The following CTNNA3 variants were observed in gnomAD, a reference collection of about 807,000 sequenced individuals.
CTNNA3 encodes catenin alpha 3.
CTNNA3 carries 76 observed loss-of-function variants against 95.7 expected under a neutral mutation model. The observed-to-expected ratio is 0.79, with a 90% CI of 0.66 to 0.96. The LOEUF (loss-of-function observed/expected upper bound fraction) is 0.96, where lower values mean the gene tolerates loss of function less well. CTNNA3 is among the 40% of genes least tolerant of loss of function. CTNNA3 has a pLI of 0.00. For synonymous variants in CTNNA3, 431 were observed against 374.4 expected, an observed-to-expected ratio of 1.15 and a Z score of -1.74; for missense variants, 1,191 against 1,089.8, an observed-to-expected ratio of 1.09 and a Z score of -1.31.
At chr10:67,596,903 T>C (rs546477389) in intron 3 of CTNNA3, among the ~76,000 whole-genome samples, 1 of 152,358 alleles carries the variant, frequency 6.6e-6, no homozygotes, top group South Asian at 2.1e-4. Context: ...GGGATGCCAA[T>C]GAGTCATAGA....
chr10:67,734,011 A>G (rs1240319926), intron 1 of CTNNA3, among the ~76,000 whole-genome samples: 1 of 152,170 alleles, frequency 6.6e-6, no homozygotes, highest in Non-Finnish European at 1.5e-5. Flanking sequence ...AAAGCCTCAT[A>G]ACAACCACGC....
chr10:65,966,244 T>C (rs1209182201), intron 17 of CTNNA3, among the ~76,000 whole-genome samples: 1 of 152,170 alleles, frequency 6.6e-6, no homozygotes, highest in Non-Finnish European at 1.5e-5. Context: ...AAGCAATCAT[T>C]TTATTAATTT....
chr10:66,382,913 C>T (rs1272874015), intron 11 of CTNNA3, among the ~76,000 whole-genome samples: 1 of 151,922 alleles, frequency 6.6e-6, no homozygotes, highest in Non-Finnish European at 1.5e-5. Context: ...ACAAAAAGAT[C>T]ATCTACACCA....
chr10:65,938,965 C>T (rs183455422), intron 17 of CTNNA3, among the ~76,000 whole-genome samples: 1 of 151,854 alleles, frequency 6.6e-6, no homozygotes, highest in Admixed American at 6.5e-5. Flanking sequence ...TGCAGTGGCG[C>T]GATCTCGGCT....
At chr10:67,460,264 T>C (rs553880998) in intron 5 of CTNNA3, among the ~76,000 whole-genome samples, 1 of 152,312 alleles carries the variant, frequency 6.6e-6, no homozygotes, top group Non-Finnish European at 1.5e-5. Context: ...TGGTTGGACC[T>C]GAACCCAAAT....
At chr10:66,394,736 C>T (rs1160957226) in intron 11 of CTNNA3, among the ~76,000 whole-genome samples, 3 of 151,874 alleles carry the variant, frequency 2.0e-5, no homozygotes, top group African/African-American at 7.3e-5. Flanking sequence ...TATAAAAAAA[C>T]AGTCAGTATT....
intron 7 of CTNNA3, among the ~76,000 whole-genome samples, chr10:66,943,275 T>C (rs1373563735): frequency 2.0e-5 from 3 of 152,128 alleles, no homozygotes; most frequent in Non-Finnish European, 4.4e-5. Flanking sequence ...CATAGAGCTG[T>C]TGTGTGGATT....
chr10:67,289,953 C>T (rs1388468094), intron 5 of CTNNA3, among the ~76,000 whole-genome samples: 2 of 151,750 alleles, frequency 1.3e-5, no homozygotes. Context: ...GCATATACCA[C>T]ATGCCAGGCT....
At chr10:66,883,657 T>C (rs1176636960) in intron 7 of CTNNA3, among the ~76,000 whole-genome samples, 3 of 152,152 alleles carry the variant, frequency 2.0e-5, no homozygotes, top group Admixed American at 1.3e-4. Flanking sequence ...CCCAAAGTCC[T>C]TAATTATTAA....
chr10:66,085,778 G>A (rs1340624439), intron 14 of CTNNA3, among the ~76,000 whole-genome samples: 1 of 152,094 alleles, frequency 6.6e-6, no homozygotes, highest in African/African-American at 2.4e-5. Context: ...ATATACTTCT[G>A]TGTTACATTG....
In CTNNA3 at chr10:65,982,671, ATG is replaced by A. The variant is rs897520669; in HGVS notation, c.2265+6019_2265+6020del. 5.3e-5 allele frequency among the ~76,000 whole-genome samples: 8 copies of A among 150,252 alleles called. 1 individual carries two copies. The highest frequency in any genetic ancestry group is 8.9e-5 in the Non-Finnish European group (6 of 67,168). ...ATATATATATATAAATGTGGTATAT[ATG>A]TGTGTGTGTATGTATATATATATGT... On this transcript the variant is annotated intron_variant, in intron 16 of 17. Coordinates refer to ENST00000433211, the MANE Select transcript of CTNNA3 (RefSeq NM_013266.4).
Position 66,451,286 on chromosome 10 carries a change from G to T in CTNNA3, c.1531+69331C>A, listed in dbSNP as rs569895228. ...TTACTATGTGCAAGACACTTTTTAT[G>T]CTTGACACGTGTCATTTTATTTAAT... On this transcript the variant is annotated intron_variant, in intron 11 of 17. Coordinates refer to ENST00000433211, the MANE Select transcript of CTNNA3 (RefSeq NM_013266.4). Among the ~76,000 whole-genome samples the T allele has an allele frequency of 2.1e-3, 316 of 152,254 alleles. 1 individual carries two copies. Among genetic ancestry groups the T allele is most frequent in the Non-Finnish European group, 2.9e-3 (199 of 68,002 alleles).
chr10:67,155,925 C>A (rs1861293196), intron 7 of CTNNA3, among the ~76,000 whole-genome samples: 1 of 151,954 alleles, frequency 6.6e-6, no homozygotes, highest in Admixed American at 6.6e-5. Context: ...TGATCTTGGG[C>A]TTTTCTTTGT....
At chr10:67,109,745 A>T (rs1858821601) in intron 7 of CTNNA3, among the ~76,000 whole-genome samples, 1 of 152,192 alleles carries the variant, frequency 6.6e-6, no homozygotes, top group African/African-American at 2.4e-5. Context: ...CGGGAGGCTG[A>T]GACAGGAGAA....
At chr10:66,724,974 T>A (rs1043965669) in intron 9 of CTNNA3, among the ~76,000 whole-genome samples, 9 of 152,174 alleles carry the variant, frequency 5.9e-5, no homozygotes, top group Non-Finnish European at 1.3e-4. Flanking sequence ...AATTCATGGA[T>A]GCTGAAGTCT....
intron 1 of CTNNA3, among the ~76,000 whole-genome samples, chr10:67,760,286 T>C (rs1238035379): frequency 1.3e-5 from 2 of 152,180 alleles, no homozygotes; most frequent in Non-Finnish European, 2.9e-5. Context: ...TCGTGACTCT[T>C]CCCTACTGGA....
chr10:66,094,997 A>G (rs2081340404), intron 14 of CTNNA3, among the ~76,000 whole-genome samples: 1 of 152,134 alleles, frequency 6.6e-6, no homozygotes, highest in African/African-American at 2.4e-5. Context: ...TAAGAGTTTG[A>G]GTAGATTAGT....
rs79200964 is a variant in CTNNA3, at chr10:66,642,329, T to C, written c.1282-20545A>G. Among the ~76,000 whole-genome samples the C allele has an allele frequency of 3.0e-4, 44 of 147,744 alleles. No homozygotes were observed. The East Asian group carries it at 8.1e-3, about 27-fold the overall frequency. On this transcript the variant is annotated intron_variant, in intron 9 of 17. Coordinates refer to ENST00000433211, the MANE Select transcript of CTNNA3 (RefSeq NM_013266.4). ...ACAAAACCTGATATCAAATCTTACATTCCCTCCACCCAGAAAACATGACTA... is the reference window on the plus strand; with the variant it reads ...ACAAAACCTGATATCAAATCTTACACTCCCTCCACCCAGAAAACATGACTA...
At chr10:67,382,508 T>C (rs1843985400) in intron 5 of CTNNA3, among the ~76,000 whole-genome samples, 1 of 152,204 alleles carries the variant, frequency 6.6e-6, no homozygotes, top group African/African-American at 2.4e-5. Flanking sequence ...TATGTATTTG[T>C]AGGAACTACT....
Sources: gnomAD v4.1 joint callset for allele counts (sites outside exome capture counted in the v4.1 genomes callset) on GRCh38, gnomAD v4.1.1 for gene constraint, MANE v1.5 for transcripts, NCBI Gene and HGNC (gene_info 2026-07-23, HGNC 2026-07-21) for gene names.